Variants in LSS observed in about 807,000 individuals in gnomAD.
LSS encodes 2,3-epoxysqualene-lanosterol cyclase.
Under a neutral mutation model 110.3 loss-of-function variants are expected in LSS, and 90 were observed. The ratio of observed to expected loss-of-function variants is 0.82; its 90% CI spans 0.69 to 0.97. The LOEUF (loss-of-function observed/expected upper bound fraction) is 0.97, where lower values mean the gene tolerates loss of function less well. Among genes scored for constraint, LSS ranks in the 50% least tolerant of loss-of-function variants. LSS has a pLI of 0.00. For missense variants in LSS, 927 were observed against 990.0 expected (o/e 0.94, Z 0.85); for synonymous variants, 433 against 400.0 (o/e 1.08, Z -0.98).
chr21:46,222,491 A>T, intron 4 of LSS, 139 bp downstream of exon 4: 1 of 669,064 alleles, frequency 1.5e-6, no homozygotes, highest in Non-Finnish European at 2.5e-6. Flanking sequence ...CCCGCCTGCT[A>T]GTCTCTCCCT....
chr21:46,195,563 A>AAAAC lies in LSS; in HGVS notation c.1817+109_1817+112dup, dbSNP rs58875826. The AAAAC allele has an allele frequency of 4.7e-4, 478 of 1,014,136 alleles. 1 individual carries two copies. Among genetic ancestry groups the AAAAC allele is most frequent in the South Asian group, 2.4e-3 (175 of 73,950 alleles). The allele number at this position is 1,014,136 out of a possible 1,614,324, so 62.8% of individuals were successfully genotyped here. A position where few individuals can be genotyped will look rare whatever the true frequency, so the allele number is the denominator to read the frequency against. ...GTTGACAGAGCGAGACTCCGTCTCA[A>AAAAC]AAACAAACAAACAAACAAACAAACC... On this transcript the variant is annotated intron_variant, in intron 19 of 21. Transcript: ENST00000397728.
At chr21:46,225,267 A>G (rs1013979770) in intron 3 of LSS, 5 of 355,930 alleles carry the variant, frequency 1.4e-5, no homozygotes, top group African/African-American at 2.1e-5. Flanking sequence ...CATAGTGAGA[A>G]GTGACCAGAA....
chr21:46,210,503 A>T (rs2080115000), intron 12 of LSS, among the ~76,000 whole-genome samples, 185 bp downstream of exon 12: 1 of 151,968 alleles, frequency 6.6e-6, no homozygotes, highest in African/African-American at 2.4e-5. Context: ...CCAACACCCA[A>T]GGCTGCTGGC....
intron 3 of LSS, 81 bp downstream of exon 3, chr21:46,227,471 A>C: frequency 1.3e-6 from 2 of 1,528,984 alleles, no homozygotes; most frequent in Non-Finnish European, 1.8e-6. Flanking sequence ...TGCTTCATCA[A>C]AACCCTAGAC....
rs2079791259 is a variant in LSS, at chr21:46,190,290, GACT to G, written c.*811_*813del. 1 of 169,228 alleles carries G rather than the reference GACT, an allele frequency of 5.9e-6. No homozygotes were observed. Among genetic ancestry groups the G allele is most frequent in the Non-Finnish European group, 1.3e-5 (1 of 78,684 alleles). 10.5% of individuals were successfully genotyped at this position (169,228 alleles called of 1,614,324 possible). A position where few individuals can be genotyped will look rare whatever the true frequency, so the allele number is the denominator to read the frequency against. On this transcript the variant is annotated 3_prime_UTR_variant, in exon 22 of 22. Transcript: ENST00000397728. The surrounding 1 kb of genome is among the most constrained non-coding windows in gnomAD (Gnocchi z 4.6). ...CCCCTGTGCATTTCTGTGTCCACAA[GACT>G]ACTATAAACCCTGTAGACACCTCAC... is the stretch of plus-strand genomic sequence containing the variant.
At chr21:46,223,013 C>T (rs2080296521) in intron 3 of LSS, among the ~76,000 whole-genome samples, 1 of 152,222 alleles carries the variant, frequency 6.6e-6, no homozygotes, top group Non-Finnish European at 1.5e-5. Flanking sequence ...GTCTGAGAAA[C>T]ACCAGACACT....
chr21:46,228,717 G>A lies in LSS; in HGVS notation c.14+15C>T, dbSNP rs377762565. On this transcript the variant is annotated intron_variant, in intron 1 of 21. Transcript: ENST00000397728. ...CACCCCGCATTCGTCAGGAGCCCGGGGCGAGGGGACTCACGTGCCCTCCGT... is the reference window on the plus strand; with the variant it reads ...CACCCCGCATTCGTCAGGAGCCCGGAGCGAGGGGACTCACGTGCCCTCCGT... 21 of 1,602,580 alleles carry A rather than the reference G, an allele frequency of 1.3e-5. No individual in the cohort carries two copies. The highest frequency in any genetic ancestry group is 1.8e-5 in the Non-Finnish European group (21 of 1,179,278).
Position 46,213,750 on chromosome 21 carries a change from G to A in LSS, c.1097C>T (p.Pro366Leu), listed in dbSNP as rs190225473. ...CAGCCACACTCACCAGAGATAGTCC[G>A]GGATTCTGGAGACATGCTCCTGGAA... ...TAFQEHVSRI[P>L]DYLWMGLDGM... Residue 366 changes from proline to leucine, a missense_variant, in exon 10 of 22, where the codon CCG (proline) becomes CTG (leucine). Coordinates refer to ENST00000397728, the MANE Select transcript of LSS (RefSeq NM_002340.6). 2.5e-5 allele frequency: 41 copies of A among 1,613,726 alleles called. No individual in the cohort carries two copies. Among genetic ancestry groups the A allele is most frequent in the African/African-American group, 8.0e-5 (6 of 75,044 alleles).
chr21:46,227,712 A>G, intron 2 of LSS, 22 bp from the exon 3 acceptor site: 2 of 1,612,462 alleles, frequency 1.2e-6, no homozygotes, highest in Non-Finnish European at 1.7e-6. Context: ...TCGAAAAAAA[A>G]AAAAAGAGAT....
chr21:46,202,267 G>A (rs1263751832), intron 17 of LSS, among the ~76,000 whole-genome samples: 9 of 143,314 alleles, frequency 6.3e-5, no homozygotes, highest in African/African-American at 1.8e-4. Context: ...AGTGGCGGGC[G>A]CCTGTAGTCC....
chr21:46,194,377 G>C lies in LSS; in HGVS notation c.1988+114C>G, dbSNP rs547779383. On this transcript the variant is annotated intron_variant, in intron 20 of 21. Coordinates refer to ENST00000397728, the MANE Select transcript of LSS (RefSeq NM_002340.6). ...CTGTTCCCAGAGTGGCAGCTGACCTGGCCCACAGGCCTCCCCTCCTCTCTA... is the reference window on the plus strand; with the variant it reads ...CTGTTCCCAGAGTGGCAGCTGACCTCGCCCACAGGCCTCCCCTCCTCTCTA... 1.4e-3 allele frequency: 1,749 copies of C among 1,268,482 alleles called. 22 individuals carry two copies. In the African/African-American group the frequency reaches 0.024, roughly 17 times the overall value. 78.6% of individuals were successfully genotyped at this position (1,268,482 alleles called of 1,614,324 possible). A position where few individuals can be genotyped will look rare whatever the true frequency, so the allele number is the denominator to read the frequency against.
At chr21:46,195,525 G>A in intron 19 of LSS, 151 bp downstream of exon 19, 1 of 727,560 alleles carries the variant, frequency 1.4e-6, no homozygotes, top group East Asian at 2.6e-5. Flanking sequence ...TCATGCCACT[G>A]CATGTCAGCC....
chr21:46,205,972 G>A (rs2123720054), intron 16 of LSS, 31 bp from the exon 17 acceptor site: 1 of 1,522,124 alleles, frequency 6.6e-7, no homozygotes, highest in Non-Finnish European at 9.0e-7. Context: ...CCAAGTGTTG[G>A]GTTTCACCCT....
In LSS at chr21:46,209,648, G is replaced by A; in HGVS notation, c.1195-23C>T. 2 of 1,601,296 alleles carry A rather than the reference G, an allele frequency of 1.2e-6. No individual in the cohort carries two copies. The highest frequency in any genetic ancestry group is 1.7e-6 in the Non-Finnish European group (2 of 1,173,502). ...CGCCTGGAAGAGACAGCAGGACAGA[G>A]AGGCTCAGCTGCCCTTGCACGGCCA... On this transcript the variant is annotated intron_variant, in intron 12 of 21. Transcript: ENST00000397728. The surrounding 1 kb of genome is among the most constrained non-coding windows in gnomAD (Gnocchi z 4.4).
intron 15 of LSS, among the ~76,000 whole-genome samples, 171 bp from the exon 16 acceptor site, chr21:46,206,939 G>A (rs1384140041): frequency 3.3e-5 from 5 of 152,146 alleles, no homozygotes; most frequent in African/African-American, 7.2e-5. Flanking sequence ...GCCCCAAGCA[G>A]CAGCTGCAAC....
At position 46,196,275 on chromosome 21, in the gene LSS, A is replaced by G. The variant is rs1349057879; in HGVS notation, c.1671-8T>C. On this transcript the variant is annotated splice_region_variant and splice_polypyrimidine_tract_variant and intron_variant, in intron 17 of 21. Transcript: ENST00000397728. ...CCCTGCGTGAGGGTCTCCCTGGAACACGAGATTGGTCCAGTGAACATTCTG... is the reference window on the plus strand; with the variant it reads ...CCCTGCGTGAGGGTCTCCCTGGAACGCGAGATTGGTCCAGTGAACATTCTG... 3.1e-6 allele frequency: 5 copies of G among 1,613,528 alleles called. No homozygotes were observed. In the African/African-American group the frequency reaches 6.7e-5, roughly 22 times the overall value.
At chr21:46,202,325 C>T (rs1297307852) in intron 17 of LSS, among the ~76,000 whole-genome samples, 2 of 141,092 alleles carry the variant, frequency 1.4e-5, no homozygotes, top group Admixed American at 1.4e-4. Flanking sequence ...ACCCGGGAGG[C>T]GGAGCTTGCA....
intron 5 of LSS, chr21:46,220,370 G>T (rs2080260233): frequency 6.6e-6 from 1 of 152,278 alleles, no homozygotes; most frequent in African/African-American, 2.4e-5. Flanking sequence ...AAGAAGGCAG[G>T]ATCTCATGAG....
In LSS at chr21:46,209,740, C is replaced by T; in HGVS notation, c.1195-115G>A. The stretch of plus-strand genomic sequence containing the variant: ...GCCCCAACCGGGGACCAGAATCAAA[C>T]CAGCAGACATCTCCAGAGAGTGCCA... On this transcript the variant is annotated intron_variant, in intron 12 of 21. Transcript: ENST00000397728. The surrounding 1 kb of genome is among the most constrained non-coding windows in gnomAD (Gnocchi z 4.4). 1 of 811,802 alleles carries T rather than the reference C, an allele frequency of 1.2e-6. No individual in the cohort carries two copies. The allele number at this position is 811,802 out of a possible 1,614,324, so 50.3% of individuals were successfully genotyped here. A position where few individuals can be genotyped will look rare whatever the true frequency, so the allele number is the denominator to read the frequency against.
Sources: allele counts gnomAD v4.1 joint callset (sites outside exome capture counted in the v4.1 genomes callset), GRCh38; gene constraint gnomAD v4.1.1; non-coding constraint Gnocchi (gnomAD v3.1); transcripts MANE v1.5; gene names NCBI Gene and HGNC (gene_info 2026-07-23, HGNC 2026-07-21).